Variants in SLC8A1 observed in about 807,000 individuals in gnomAD.
The protein encoded by SLC8A1 is sodium/calcium exchanger 1.
Under a neutral mutation model 68.3 loss-of-function variants are expected in SLC8A1, and 18 were observed. The observed-to-expected ratio is 0.26, with a 90% CI of 0.18 to 0.39. The LOEUF (loss-of-function observed/expected upper bound fraction) is 0.39. SLC8A1 is among the 10% of genes least tolerant of loss of function. The pLI is 1.00. For synonymous variants in SLC8A1, 475 were observed against 415.5 expected (o/e 1.14, Z -1.74); for missense variants, 985 against 1,156.7 (o/e 0.85, Z 2.15).
At chr2:40,455,279 T>A (rs1242651575), upstream of SLC8A1, among the ~76,000 whole-genome samples, 6 of 152,208 alleles carry the variant, frequency 3.9e-5, no homozygotes, top group Non-Finnish European at 8.8e-5. Flanking sequence ...CCAAGATTTT[T>A]AAAAATATTT....
intron 2 of SLC8A1, among the ~76,000 whole-genome samples, chr2:40,280,359 C>G (rs1418401716): frequency 6.8e-6 from 1 of 147,502 alleles, no homozygotes; most frequent in African/African-American, 2.5e-5. Flanking sequence ...GGAAAAGTAA[C>G]AAAAACCCAT....
rs561775648 is a variant in SLC8A1 at position 40,243,886 on chromosome 2, A to C, written c.1809-66031T>G. 3.9e-5 allele frequency among the ~76,000 whole-genome samples: 6 copies of C among 152,308 alleles called. No homozygotes were observed. The East Asian group carries it at 1.2e-3, about 29-fold the overall frequency. Reference sequence around the variant, plus strand: ...GATGAGTCTAAGTGCTAGATAAACAAACATTATTTCTAAAACCTCAAGGGG... The same window carrying C: ...GATGAGTCTAAGTGCTAGATAAACACACATTATTTCTAAAACCTCAAGGGG... On this transcript the variant is annotated intron_variant, in intron 2 of 7. Transcript: ENST00000406785.
At chr2:40,237,696 T>C (rs1222244382) in intron 2 of SLC8A1, among the ~76,000 whole-genome samples, 3 of 152,002 alleles carry the variant, frequency 2.0e-5, no homozygotes, top group Non-Finnish European at 2.9e-5. Flanking sequence ...TTTTAGAGTT[T>C]CCAGTTTTTC....
At chr2:40,354,011 A>C (rs1671926130) in intron 2 of SLC8A1, among the ~76,000 whole-genome samples, 1 of 152,210 alleles carries the variant, frequency 6.6e-6, no homozygotes, top group Non-Finnish European at 1.5e-5. Context: ...AACATTATAC[A>C]CAAGTCATTT....
At chr2:40,116,845 AG>A (rs1008043488) in intron 7 of SLC8A1, 21 of 152,330 alleles carry the variant, frequency 1.4e-4, no homozygotes, top group African/African-American at 3.8e-4. Context: ...CCACTACAGA[AG>A]GTTGAACAAC....
At chr2:40,352,363 T>C (rs1442292112) in intron 2 of SLC8A1, among the ~76,000 whole-genome samples, 1 of 152,202 alleles carries the variant, frequency 6.6e-6, no homozygotes, top group East Asian at 1.9e-4. Context: ...AAGTGTTTGA[T>C]TTCAACCAAT....
chr2:40,378,433 G>A (rs1680654840), intron 2 of SLC8A1, among the ~76,000 whole-genome samples: 2 of 152,138 alleles, frequency 1.3e-5, no homozygotes, highest in Admixed American at 6.6e-5. Context: ...AGGAAGCCCA[G>A]ATGGCTGAAG....
intron 2 of SLC8A1, among the ~76,000 whole-genome samples, chr2:40,352,723 C>A (rs1671476665): frequency 1.3e-5 from 2 of 152,184 alleles, no homozygotes; most frequent in Admixed American, 1.3e-4. Context: ...GAGGCAGTCA[C>A]ATTTTAGTCA....
chr2:40,108,018 C>T (rs1288363537), exon 8 of SLC8A1: 1 of 152,054 alleles, frequency 6.6e-6, no homozygotes, highest in Non-Finnish European at 1.5e-5. Flanking sequence ...CAGTCTGGGC[C>T]TTGTGGTTCA....
intron 2 of SLC8A1, among the ~76,000 whole-genome samples, chr2:40,182,660 C>T (rs891833433): frequency 2.0e-5 from 3 of 152,172 alleles, no homozygotes; most frequent in Non-Finnish European, 2.9e-5. Context: ...ACCTGAACAT[C>T]TTCAAACAGA....
chr2:40,387,223 A>G (rs1323911367), intron 2 of SLC8A1, among the ~76,000 whole-genome samples: 1 of 151,378 alleles, frequency 6.6e-6, no homozygotes, highest in Non-Finnish European at 1.5e-5. Context: ...CTACATCTTT[A>G]CTTGGATATT....
At chr2:40,201,499 C>G (rs993952356) in intron 2 of SLC8A1, among the ~76,000 whole-genome samples, 6 of 151,932 alleles carry the variant, frequency 3.9e-5, no homozygotes, top group Non-Finnish European at 7.4e-5. Flanking sequence ...GCAAAATTAT[C>G]TCCAGTTAGG....
At chr2:40,229,839 G>A (rs747266137) in intron 2 of SLC8A1, among the ~76,000 whole-genome samples, 8 of 152,098 alleles carry the variant, frequency 5.3e-5, no homozygotes, top group Non-Finnish European at 7.4e-5. Context: ...AAAAGTATTA[G>A]GCAAAAGTAT....
chr2:40,435,552 A>C (rs1699230745), intron 1 of SLC8A1, among the ~76,000 whole-genome samples: 1 of 152,174 alleles, frequency 6.6e-6, no homozygotes, highest in Non-Finnish European at 1.5e-5. Context: ...CATAGGCTCA[A>C]GCCTTTCTCT....
intron 2 of SLC8A1, among the ~76,000 whole-genome samples, chr2:40,419,435 G>A (rs1192007608): frequency 6.6e-6 from 1 of 151,952 alleles, no homozygotes; most frequent in Admixed American, 6.6e-5. Flanking sequence ...TCTAATCAGG[G>A]CTGTATATTC....
chr2:40,277,667 A>C (rs999713100), intron 2 of SLC8A1, among the ~76,000 whole-genome samples: 1 of 151,756 alleles, frequency 6.6e-6, no homozygotes, highest in African/African-American at 2.4e-5. Flanking sequence ...TGTCATAAAC[A>C]GTCAACAAAT....
chr2:40,099,148 T>C (rs1453384328), exon 8 of SLC8A1: 1 of 152,018 alleles, frequency 6.6e-6, no homozygotes, highest in East Asian at 1.9e-4. Flanking sequence ...TTCAACAATA[T>C]GGTCAGCAAA....
intron 2 of SLC8A1, among the ~76,000 whole-genome samples, chr2:40,294,755 T>G (rs1362698775): frequency 6.6e-6 from 1 of 152,196 alleles, no homozygotes; most frequent in Admixed American, 6.5e-5. Context: ...AAAATAAAGT[T>G]AAATGCAATT....
intron 2 of SLC8A1, among the ~76,000 whole-genome samples, chr2:40,338,672 A>G (rs1666767098): frequency 6.6e-6 from 1 of 152,220 alleles, no homozygotes; most frequent in African/African-American, 2.4e-5. Flanking sequence ...TGACAACAAA[A>G]CAAGTTGTGT....
Sources: allele counts gnomAD v4.1 joint callset (sites outside exome capture counted in the v4.1 genomes callset), GRCh38; gene constraint gnomAD v4.1.1; transcripts MANE v1.5; gene names NCBI Gene and HGNC (gene_info 2026-07-23, HGNC 2026-07-21).